The following CHRM3 variants were observed in gnomAD, a reference collection of about 807,000 sequenced individuals.
The protein encoded by CHRM3 is cholinergic receptor muscarinic 3.
Under a neutral mutation model 41.8 loss-of-function variants are expected in CHRM3, and 11 were observed. The observed-to-expected ratio is 0.26, with a 90% CI of 0.17 to 0.44. The LOEUF (loss-of-function observed/expected upper bound fraction) is 0.44, where lower values mean the gene tolerates loss of function less well. CHRM3 is among the 20% of genes least tolerant of loss of function. The pLI is 1.00. For missense variants in CHRM3, 571 were observed against 745.4 expected (o/e 0.77, Z 2.72); for synonymous variants, 297 against 301.4 (o/e 0.99, Z 0.15).
intron 3 of CHRM3, chr1:239,629,096 C>T (rs1405673586): frequency 8.0e-6 from 1 of 124,680 alleles, no homozygotes; most frequent in Non-Finnish European, 1.7e-5. Context: ...CGCCCCTCCC[C>T]CAGCCTCGTT....
rs1660356997 is a variant in CHRM3, at chr1:239,404,418, GAAAGAAAGAAAGAAAGAA to G, written c.-521+17193_-521+17210del. 1.0e-4 allele frequency among the ~76,000 whole-genome samples: 8 copies of G among 80,376 alleles called. No homozygotes were observed. The East Asian group carries it at 2.9e-3, about 29-fold the overall frequency. The allele number at this position is 80,376 out of a possible 152,430, so 52.7% of individuals were successfully genotyped here. A position where few individuals can be genotyped will look rare whatever the true frequency, so the allele number is the denominator to read the frequency against. Reference sequence around the variant, plus strand: ...AAAGAAAGAAAGAAAGAAAAAGAAAGAAAGAAAGAAAGAAAGAAAGAAAGAAAGAAAGAAAGAAAGAAA... The same window carrying G: ...AAAGAAAGAAAGAAAGAAAAAGAAAGAGAAAGAAAGAAAGAAAGAAAGAAA... On this transcript the variant is annotated intron_variant, in intron 1 of 6. Coordinates refer to ENST00000676153, the MANE Select transcript of CHRM3 (RefSeq NM_001375978.1).
intron 1 of CHRM3, among the ~76,000 whole-genome samples, chr1:239,470,624 C>T (rs971971522): frequency 2.6e-5 from 4 of 152,146 alleles, no homozygotes; most frequent in African/African-American, 7.2e-5. Flanking sequence ...CCTTCTTCCT[C>T]GGACTGTTCC....
intron 1 of CHRM3, among the ~76,000 whole-genome samples, chr1:239,429,343 A>G (rs1050565534): frequency 2.0e-5 from 3 of 152,198 alleles, no homozygotes; most frequent in Admixed American, 6.5e-5. Context: ...CTGAGTACAA[A>G]GTTTAAGATG....
At chr1:239,599,045 C>T (rs1280749664) in intron 3 of CHRM3, among the ~76,000 whole-genome samples, 1 of 152,150 alleles carries the variant, frequency 6.6e-6, no homozygotes, top group Non-Finnish European at 1.5e-5. Flanking sequence ...GAGATCCCTC[C>T]CTTAATCCCA....
intron 2 of CHRM3, among the ~76,000 whole-genome samples, chr1:239,529,980 C>T (rs577517366): frequency 2.0e-5 from 3 of 152,062 alleles, no homozygotes; most frequent in African/African-American, 7.2e-5. Flanking sequence ...TCACTGCAAG[C>T]TCCGCCTCCC....
chr1:239,907,913 C>T lies in CHRM3; in HGVS notation c.462C>T (p.Ala154=). 6.2e-7 allele frequency: 1 copy of T among 1,614,248 alleles called. No individual in the cohort carries two copies. Among genetic ancestry groups the T allele is most frequent in the East Asian group, 2.2e-5 (1 of 44,888 alleles). The change falls in exon 7 of 7, where the codon GCC becomes GCT. Residue 154 remains alanine (A), a synonymous_variant. Transcript: ENST00000676153. This position sits in a 1 kb window ranked among gnomAD's most constrained non-coding sequence, Gnocchi z 5.4. ...CCATTGACTACGTAGCCAGCAATGC[C>T]TCTGTTATGAATCTTCTGGTCATCA... is the stretch of plus-strand genomic sequence containing the variant. ...WLAIDYVASN[A]SVMNLLVISF...
chr1:239,609,014 G>A (rs574627188), intron 3 of CHRM3, among the ~76,000 whole-genome samples: 1 of 152,094 alleles, frequency 6.6e-6, no homozygotes, highest in South Asian at 2.1e-4. Flanking sequence ...ACATATTAAA[G>A]TGTACAATTT....
chr1:239,555,819 C>G (rs766812809), intron 3 of CHRM3, among the ~76,000 whole-genome samples: 1 of 152,200 alleles, frequency 6.6e-6, no homozygotes, highest in South Asian at 2.1e-4. Context: ...CCAGCTTGCC[C>G]TTGAATTCTT....
chr1:239,887,214 C>T (rs1456137669), intron 6 of CHRM3, among the ~76,000 whole-genome samples: 3 of 150,478 alleles, frequency 2.0e-5, no homozygotes, highest in African/African-American at 2.4e-5. Flanking sequence ...TTTTTTTTGG[C>T]GGGGGTATAC....
At chr1:239,500,643 C>T (rs758047336) in intron 2 of CHRM3, among the ~76,000 whole-genome samples, 25 of 149,276 alleles carry the variant, frequency 1.7e-4, no homozygotes, top group Admixed American at 4.0e-4. Context: ...AATTAAATCC[C>T]GAAAAAAAAG....
At chr1:239,499,132 T>C (rs1196344017) in intron 2 of CHRM3, among the ~76,000 whole-genome samples, 2 of 152,136 alleles carry the variant, frequency 1.3e-5, no homozygotes, top group Non-Finnish European at 2.9e-5. Context: ...TTACTAGAAA[T>C]AAAGGGTGAA....
At chr1:239,579,049 AT>A (rs1662629847) in intron 3 of CHRM3, among the ~76,000 whole-genome samples, 1 of 152,228 alleles carries the variant, frequency 6.6e-6, no homozygotes, top group Non-Finnish European at 1.5e-5. Context: ...TTCACCACTT[AT>A]CTCAAATAAA....
intron 6 of CHRM3, among the ~76,000 whole-genome samples, chr1:239,830,587 C>T (rs957643199): frequency 1.3e-5 from 2 of 152,126 alleles, no homozygotes; most frequent in Non-Finnish European, 2.9e-5. Flanking sequence ...GCCTGTAGTC[C>T]CAGCTACTTG....
chr1:239,822,866 C>G (rs901737478), intron 5 of CHRM3, among the ~76,000 whole-genome samples: 1 of 152,124 alleles, frequency 6.6e-6, no homozygotes, highest in Non-Finnish European at 1.5e-5. Context: ...AATATAGGTA[C>G]TTAGAGTAAA....
intron 5 of CHRM3, among the ~76,000 whole-genome samples, chr1:239,779,671 G>A (rs1668367931): frequency 6.6e-6 from 1 of 152,196 alleles, no homozygotes; most frequent in Non-Finnish European, 1.5e-5. Flanking sequence ...GGAGGTGAAG[G>A]TTGCAGTAAG....
At chr1:239,443,316 T>C (rs367922096) in intron 1 of CHRM3, among the ~76,000 whole-genome samples, 4 of 152,344 alleles carry the variant, frequency 2.6e-5, no homozygotes, top group South Asian at 2.1e-4. Flanking sequence ...TCTCCTGATA[T>C]GGTATTAAAA....
chr1:239,644,708 T>A (rs1480698638), intron 4 of CHRM3, among the ~76,000 whole-genome samples: 1 of 152,208 alleles, frequency 6.6e-6, no homozygotes, highest in Non-Finnish European at 1.5e-5. Flanking sequence ...AACACTCATG[T>A]GCATACAATC....
At chr1:239,495,885 A>C (rs1395724118) in intron 2 of CHRM3, among the ~76,000 whole-genome samples, 1 of 152,012 alleles carries the variant, frequency 6.6e-6, no homozygotes, top group Non-Finnish European at 1.5e-5. Context: ...AATTCATTTC[A>C]TATTTCCTTC....
At chr1:239,749,431 G>A (rs1353357328) in intron 5 of CHRM3, among the ~76,000 whole-genome samples, 1 of 152,148 alleles carries the variant, frequency 6.6e-6, no homozygotes, top group African/African-American at 2.4e-5. Flanking sequence ...CACTTTGGGA[G>A]GCCAAGGTGG....
Sources: gnomAD v4.1 joint callset for allele counts (sites outside exome capture counted in the v4.1 genomes callset) on GRCh38, gnomAD v4.1.1 for gene constraint, Gnocchi (gnomAD v3.1) non-coding constraint, MANE v1.5 for transcripts, NCBI Gene and HGNC (gene_info 2026-07-23, HGNC 2026-07-21) for gene names.